The following NRG1 variants were observed in gnomAD, a reference collection of about 807,000 sequenced individuals.
NRG1 encodes the protein neuregulin 1.
Under a neutral mutation model 63.8 loss-of-function variants are expected in NRG1, and 18 were observed. The observed-to-expected ratio is 0.28, with a 90% CI of 0.19 to 0.42. NRG1 has a LOEUF of 0.42. Among genes scored for constraint, NRG1 ranks in the 10% least tolerant of loss-of-function variants. NRG1 has a pLI of 1.00. For synonymous variants in NRG1, 302 were observed against 301.3 expected, an observed-to-expected ratio of 1.00 and a Z score of -0.02; for missense variants, 762 against 814.7, an observed-to-expected ratio of 0.94 and a Z score of 0.79.
intron 1 of NRG1, among the ~76,000 whole-genome samples, chr8:31,867,285 G>A (rs999693445): frequency 6.6e-6 from 1 of 152,188 alleles, no homozygotes; most frequent in African/African-American, 2.4e-5. Flanking sequence ...GGGGAAAGGT[G>A]ACAGAAATGT....
In NRG1 at chr8:31,640,755, GAACCCGCGGCGA is replaced by G; in HGVS notation, c.37+1325_37+1336del. The stretch of plus-strand genomic sequence containing the variant: ...GTAAGTTCCTCGCCCTTGGGGGCGC[GAACCCGCGGCGA>G]GGAGGGCGCATCCCGGGCGCGCGGG... On this transcript the variant is annotated intron_variant, in intron 1 of 10. Coordinates refer to the NRG1 transcript ENST00000519301. The surrounding 1 kb of genome is among the most constrained non-coding windows in gnomAD (Gnocchi z 6.3). The G allele has an allele frequency of 6.7e-7, 1 of 1,485,734 alleles. No homozygotes were observed. The allele number at this position is 1,485,734 out of a possible 1,614,324, so 92.0% of individuals were successfully genotyped here. A position where few individuals can be genotyped will look rare whatever the true frequency, so the allele number is the denominator to read the frequency against.
At chr8:32,248,197 A>G (rs1013922480) in intron 1 of NRG1, among the ~76,000 whole-genome samples, 7 of 152,124 alleles carry the variant, frequency 4.6e-5, no homozygotes, top group African/African-American at 1.7e-4. Context: ...TATGCCTTGT[A>G]GAATCTCATT....
At chr8:32,273,302 AC>A (rs1414686885) in intron 1 of NRG1, among the ~76,000 whole-genome samples, 3 of 151,874 alleles carry the variant, frequency 2.0e-5, no homozygotes, top group Non-Finnish European at 4.4e-5. Context: ...TAGATTCCCA[AC>A]CCCCTCCCGA....
intron 1 of NRG1, among the ~76,000 whole-genome samples, chr8:31,947,957 A>AAC (rs1802863672): frequency 6.6e-6 from 1 of 150,432 alleles, no homozygotes; most frequent in African/African-American, 2.4e-5. Context: ...AAAAAAAAAA[A>AAC]AAAAAAAAAA....
At chr8:31,891,786 C>T (rs1422755198) in intron 1 of NRG1, among the ~76,000 whole-genome samples, 1 of 152,116 alleles carries the variant, frequency 6.6e-6, no homozygotes, top group African/African-American at 2.4e-5. Context: ...TGTGATACAT[C>T]CATACCATGG....
At chr8:32,447,532 A>G (rs1820417199) in intron 1 of NRG1, among the ~76,000 whole-genome samples, 1 of 152,138 alleles carries the variant, frequency 6.6e-6, no homozygotes. Flanking sequence ...GTTTTATTCT[A>G]TTATATTCTC....
At chr8:31,703,473 G>A (rs12334452) in intron 1 of NRG1, among the ~76,000 whole-genome samples, 7,191 of 152,142 alleles carry the variant, frequency 0.047, 551 homozygotes, top group African/African-American at 0.16. Flanking sequence ...TGCATTGCTG[G>A]TTTCAATTAT....
intron 1 of NRG1, among the ~76,000 whole-genome samples, chr8:32,540,247 G>GA (rs1218500380): frequency 2.6e-5 from 4 of 151,304 alleles, no homozygotes; most frequent in East Asian, 1.9e-4. Flanking sequence ...GGGGAAGAAG[G>GA]AAAAAAAATG....
At chr8:31,884,212 T>A (rs924034239) in intron 1 of NRG1, among the ~76,000 whole-genome samples, 2 of 152,156 alleles carry the variant, frequency 1.3e-5, no homozygotes, top group Non-Finnish European at 2.9e-5. Flanking sequence ...TTAGAAATTA[T>A]TTATTTTGAG....
intron 1 of NRG1, among the ~76,000 whole-genome samples, chr8:31,882,274 T>C (rs2129612855): frequency 1.4e-5 from 2 of 141,608 alleles, no homozygotes; most frequent in Admixed American, 1.6e-4. Flanking sequence ...CATCTGTTTA[T>C]AGCATGATTT....
chr8:32,431,951 G>A (rs1199254836), intron 1 of NRG1, among the ~76,000 whole-genome samples: 1 of 152,160 alleles, frequency 6.6e-6, no homozygotes, highest in Non-Finnish European at 1.5e-5. Context: ...GGGAAAAGGT[G>A]TTACTCCACA....
intron 1 of NRG1, among the ~76,000 whole-genome samples, chr8:31,744,953 TAAAC>T (rs1452080341): frequency 1.3e-5 from 2 of 151,924 alleles, no homozygotes; most frequent in African/African-American, 4.8e-5. Context: ...ATGGGGACCT[TAAAC>T]AATCTATTCT....
chr8:31,648,954 T>C (rs1804572854), intron 1 of NRG1, among the ~76,000 whole-genome samples: 1 of 121,306 alleles, frequency 8.2e-6, no homozygotes, highest in South Asian at 3.4e-4. Context: ...TTTTTCTTTT[T>C]TTCTTTTCTT....
At chr8:32,487,096 C>A (rs1825994725) in intron 1 of NRG1, among the ~76,000 whole-genome samples, 1 of 150,062 alleles carries the variant, frequency 6.7e-6, no homozygotes, top group Non-Finnish European at 1.5e-5. Flanking sequence ...GTCAAATGAA[C>A]CTAATTGGCA....
At chr8:32,180,279 C>A (rs981652938) in intron 1 of NRG1, among the ~76,000 whole-genome samples, 1 of 152,148 alleles carries the variant, frequency 6.6e-6, no homozygotes, top group Non-Finnish European at 1.5e-5. Context: ...GCACAAATTA[C>A]CCTTCCAATT....
intron 5 of NRG1, among the ~76,000 whole-genome samples, chr8:32,682,628 C>T (rs1808984223): frequency 6.6e-6 from 1 of 152,096 alleles, no homozygotes. Flanking sequence ...TTGTCATGGG[C>T]AAGGCCGCAG....
chr8:31,796,461 C>G (rs541123675), intron 1 of NRG1, among the ~76,000 whole-genome samples: 1 of 101,048 alleles, frequency 9.9e-6, no homozygotes, highest in African/African-American at 3.8e-5. Context: ...GAGATGGAGT[C>G]TCGCTCTGTC....
At chr8:32,121,603 C>T (rs1190717779) in intron 1 of NRG1, among the ~76,000 whole-genome samples, 1 of 151,920 alleles carries the variant, frequency 6.6e-6, no homozygotes. Context: ...TTGGGTTAGA[C>T]TTAATTCTTG....
At chr8:32,595,760 T>A in intron 1 of NRG1, 68 bp from the exon 2 acceptor site, 1 of 1,463,766 alleles carries the variant, frequency 6.8e-7, no homozygotes, top group Admixed American at 2.1e-5. Context: ...TAACTCCAGA[T>A]TAAATGTTTC....
Sources: allele counts gnomAD v4.1 joint callset (sites outside exome capture counted in the v4.1 genomes callset), GRCh38; gene constraint gnomAD v4.1.1; non-coding constraint Gnocchi (gnomAD v3.1); transcripts MANE v1.5; gene names NCBI Gene and HGNC (gene_info 2026-07-23, HGNC 2026-07-21).